Variants in ZNF703 observed in about 807,000 individuals in gnomAD.
ZNF703 encodes NocA-like zinc finger 1.
Under a neutral mutation model 30.7 loss-of-function variants are expected in ZNF703, and 18 were observed. That is an observed-to-expected ratio of 0.59 (90% CI 0.40 to 0.87). ZNF703 has a LOEUF of 0.87. Ranked by LOEUF, ZNF703 falls within the 40% of genes least tolerant of loss-of-function variation. The probability of loss-of-function intolerance (pLI) is 0.00; values close to 1 mark genes in which losing one functional copy is unlikely to be tolerated. For synonymous variants in ZNF703, 457 were observed against 438.6 expected (o/e 1.04, Z -0.52); for missense variants, 814 against 847.8 (o/e 0.96, Z 0.50).
Position 37,698,486 on chromosome 8 carries a change from C to G in ZNF703, c.1585C>G (p.Pro529Ala). The G allele has an allele frequency of 6.5e-7, 1 of 1,542,440 alleles. No individual in the cohort carries two copies. The highest frequency in any genetic ancestry group is 8.7e-7 in the Non-Finnish European group (1 of 1,149,074). The change falls in exon 2 of 2, where the codon CCC becomes GCC. Residue 529 changes from proline to alanine, a missense_variant. Coordinates refer to ENST00000331569, the MANE Select transcript of ZNF703 (RefSeq NM_025069.3). ...HLPPPAAPGS[P>A]GSLSLRNPHT... Reference sequence around the variant, plus strand: ...CCCCCCGCCCGCCGCCCCCGGCAGCCCCGGGTCGCTGTCCTTGCGGAATCC... The same window carrying G: ...CCCCCCGCCCGCCGCCCCCGGCAGCGCCGGGTCGCTGTCCTTGCGGAATCC...
chr8:37,697,438 C>T lies in ZNF703; in HGVS notation c.537C>T (p.Ser179=), dbSNP rs1286640819. Reference sequence around the variant, plus strand: ...GCTCCTCCTCGGTGTCTTCCACCTCCTCCTCGTCCTCCTCGTCCCCGGGAG... The same window carrying T: ...GCTCCTCCTCGGTGTCTTCCACCTCTTCCTCGTCCTCCTCGTCCCCGGGAG... ...DSGSSSVSST[S]SSSSSSPGDK... Residue 179 remains serine, a synonymous_variant, in exon 2 of 2, where the codon TCC becomes TCT. Transcript: ENST00000331569. The T allele has an allele frequency of 6.5e-6, 10 of 1,542,544 alleles. No individual in the cohort carries two copies. Among genetic ancestry groups the T allele is most frequent in the South Asian group, 1.2e-5 (1 of 83,180 alleles).
At position 37,698,335 on chromosome 8, in the gene ZNF703, C is replaced by T. The variant is rs533921652; in HGVS notation, c.1434C>T (p.Leu478=). The part of the protein sequence containing the change: ...DKRFATSEEL[L]SHLRTHTALP... Reference sequence around the variant, plus strand: ...GCTTCGCCACCTCGGAGGAGCTGCTCAGCCACCTACGGACCCACACGGCCC... The same window carrying T: ...GCTTCGCCACCTCGGAGGAGCTGCTTAGCCACCTACGGACCCACACGGCCC... The change falls in exon 2 of 2, where the codon CTC becomes CTT. Residue 478 remains leucine (L), a synonymous_variant. Coordinates refer to ENST00000331569, the MANE Select transcript of ZNF703 (RefSeq NM_025069.3). The T allele has an allele frequency of 5.2e-6, 8 of 1,540,292 alleles. 1 individual carries two copies. In the South Asian group the frequency reaches 8.4e-5, roughly 16 times the overall value.
Position 37,698,943 on chromosome 8 carries a change from A to T in ZNF703, c.*269A>T. 2.7e-6 allele frequency: 1 copy of T among 368,670 alleles called. No homozygotes were observed. 22.8% of individuals were successfully genotyped at this position (368,670 alleles called of 1,614,324 possible). A position where few individuals can be genotyped will look rare whatever the true frequency, so the allele number is the denominator to read the frequency against. On this transcript the variant is annotated 3_prime_UTR_variant, in exon 2 of 2. Transcript: ENST00000331569. ...TAATATTAATCCCACAAATAACGACATGATCCCCGCCCCTGTTCCTTTCTG... is the reference window on the plus strand; with the variant it reads ...TAATATTAATCCCACAAATAACGACTTGATCCCCGCCCCTGTTCCTTTCTG...
chr8:37,697,035 G>T (rs1260489460), intron 1 of ZNF703, 110 bp from the exon 2 acceptor site: 51 of 1,298,206 alleles, frequency 3.9e-5, no homozygotes, highest in Middle Eastern at 5.3e-4. Flanking sequence ...CCTCTCCCCA[G>T]GCCCGCCCCG....
Position 37,696,041 on chromosome 8 carries a change from GCGGC to G in ZNF703, c.63_66del (p.Gly22AlafsTer31). On this transcript the variant is annotated frameshift_variant, in exon 1 of 2. Coordinates refer to ENST00000331569, the MANE Select transcript of ZNF703 (RefSeq NM_025069.3). LOFTEE classifies it high-confidence loss of function. The surrounding 1 kb of genome is among the most constrained non-coding windows in gnomAD (Gnocchi z 8.2). ...CCCGAAAGCAGCGGCAGCGGCAGCG[GCGGC>G]GGCGGGAAGAGGCCGGCGGTGCCGG... 6.4e-7 allele frequency: 1 copy of G among 1,552,910 alleles called. No homozygotes were observed. Among genetic ancestry groups the G allele is most frequent in the South Asian group, 1.2e-5 (1 of 85,010 alleles).
At position 37,697,854 on chromosome 8, in the gene ZNF703, C is replaced by G; in HGVS notation, c.953C>G (p.Ser318Cys). ...LPPSSIGYHGSIVGAYAGYPS... is the reference protein window; with the variant it reads ...LPPSSIGYHGCIVGAYAGYPS... Reference sequence around the variant, plus strand: ...CCCTCCAGCATTGGCTACCACGGCTCCATCGTGGGCGCCTACGCCGGCTAC... The same window carrying G: ...CCCTCCAGCATTGGCTACCACGGCTGCATCGTGGGCGCCTACGCCGGCTAC... The change falls in exon 2 of 2, where the codon TCC (serine) becomes TGC (cysteine). Residue 318 changes from serine (S) to cysteine (C), a missense_variant. Transcript: ENST00000331569. 1.3e-6 allele frequency: 2 copies of G among 1,543,196 alleles called. No individual in the cohort carries two copies. Among genetic ancestry groups the G allele is most frequent in the Non-Finnish European group, 1.7e-6 (2 of 1,150,458 alleles).
At position 37,698,005 on chromosome 8, in the gene ZNF703, G is replaced by A. The variant is rs750405214; in HGVS notation, c.1104G>A (p.Pro368=). Residue 368 remains proline (P), a synonymous_variant, in exon 2 of 2, where the codon CCG becomes CCA. Transcript: ENST00000331569. ...PSSSPLTGAS[P]PSFLQGLCRD... ...CCAGCCCGCTCACCGGGGCCTCCCC[G>A]CCCTCCTTCCTGCAGGGATTATGCC... is the stretch of plus-strand genomic sequence containing the variant. 26 of 1,571,142 alleles carry A rather than the reference G, an allele frequency of 1.7e-5. No homozygotes were observed. The highest frequency in any genetic ancestry group is 2.1e-5 in the Non-Finnish European group (25 of 1,166,344).
rs756014282 is a variant in ZNF703 at position 37,697,493 on chromosome 8, G to A, written c.592G>A (p.Ala198Thr). The change falls in exon 2 of 2, where the codon GCC (alanine) becomes ACC (threonine). Residue 198 changes from alanine to threonine, a missense_variant. Ala to Thr is a moderately conservative substitution (Grantham distance 58). Transcript: ENST00000331569. ...DKAGFRVPSAACPPFPPHGAP... is the reference protein window; with the variant it reads ...DKAGFRVPSATCPPFPPHGAP... ...GGCGGGCTTCAGGGTCCCCAGCGCC[G>A]CCTGCCCGCCCTTTCCCCCGCATGG... 18 of 1,532,944 alleles carry A rather than the reference G, an allele frequency of 1.2e-5. 1 individual carries two copies. The highest frequency in any genetic ancestry group is 1.1e-4 in the African/African-American group (8 of 71,306). The allele number at this position is 1,532,944 out of a possible 1,614,324, so 95.0% of individuals were successfully genotyped here.
At position 37,696,273 on chromosome 8, in the gene ZNF703, G is replaced by C. The variant is rs976040939; in HGVS notation, c.243+51G>C. 1 of 1,525,276 alleles carries C rather than the reference G, an allele frequency of 6.6e-7. No individual in the cohort carries two copies. The highest frequency in any genetic ancestry group is 1.4e-5 in the African/African-American group (1 of 70,606). The allele number at this position is 1,525,276 out of a possible 1,614,324, so 94.5% of individuals were successfully genotyped here. On this transcript the variant is annotated intron_variant, in intron 1 of 1. Coordinates refer to ENST00000331569, the MANE Select transcript of ZNF703 (RefSeq NM_025069.3). This position sits in a 1 kb window ranked among gnomAD's most constrained non-coding sequence, Gnocchi z 8.2. ...GCGCCGGCCCCATTCCTCCCACCGC[G>C]ACCGGGACCCTGACCCAGCTCCCAG...
Position 37,698,340 on chromosome 8 carries a change from A to G in ZNF703, c.1439A>G (p.His480Arg). ...RFATSEELLS[H>R]LRTHTALPGA... Reference sequence around the variant, plus strand: ...GCCACCTCGGAGGAGCTGCTCAGCCACCTACGGACCCACACGGCCCTGCCG... The same window carrying G: ...GCCACCTCGGAGGAGCTGCTCAGCCGCCTACGGACCCACACGGCCCTGCCG... The change falls in exon 2 of 2, where the codon CAC (histidine) becomes CGC (arginine). Residue 480 changes from histidine to arginine, a missense_variant. By Grantham distance (29) the His-to-Arg change is conservative (BLOSUM62 0). Coordinates refer to ENST00000331569, the MANE Select transcript of ZNF703 (RefSeq NM_025069.3). 3 of 1,538,444 alleles carry G rather than the reference A, an allele frequency of 2.0e-6. No homozygotes were observed. Among genetic ancestry groups the G allele is most frequent in the Non-Finnish European group, 2.6e-6 (3 of 1,143,780 alleles).
chr8:37,695,956 C>A lies in ZNF703; in HGVS notation c.-24C>A. ...CGGTGCTCCCCCGCCCTCCCCGCCCCCCCAGCGGCGCTGCCTCCTCCAAAT... is the reference window on the plus strand; with the variant it reads ...CGGTGCTCCCCCGCCCTCCCCGCCCACCCAGCGGCGCTGCCTCCTCCAAAT... On this transcript the variant is annotated 5_prime_UTR_variant, in exon 1 of 2. Transcript: ENST00000331569. 6.8e-7 allele frequency: 1 copy of A among 1,480,496 alleles called. No homozygotes were observed. The highest frequency in any genetic ancestry group is 9.0e-7 in the Non-Finnish European group (1 of 1,113,796). 91.7% of individuals were successfully genotyped at this position (1,480,496 alleles called of 1,614,324 possible). A position where few individuals can be genotyped will look rare whatever the true frequency, so the allele number is the denominator to read the frequency against.
Position 37,698,700 on chromosome 8 carries a change from C to A in ZNF703, c.*26C>A. ...CTACAGCTCTTCCTCCACCCCAGCC[C>A]CCTCACCCTCCTCCCTCTCCCTCCT... On this transcript the variant is annotated 3_prime_UTR_variant, in exon 2 of 2. Coordinates refer to ENST00000331569, the MANE Select transcript of ZNF703 (RefSeq NM_025069.3). The A allele has an allele frequency of 7.1e-7, 1 of 1,405,682 alleles. No homozygotes were observed. Among genetic ancestry groups the A allele is most frequent in the Non-Finnish European group, 9.3e-7 (1 of 1,077,204 alleles). 87.1% of individuals were successfully genotyped at this position (1,405,682 alleles called of 1,614,324 possible).
chr8:37,697,356 C>A lies in ZNF703; in HGVS notation c.455C>A (p.Ser152Tyr), dbSNP rs868834671. Residue 152 changes from serine to tyrosine, a missense_variant, in exon 2 of 2, where the codon TCC (serine) becomes TAC (tyrosine). By Grantham distance (144) the Ser-to-Tyr change is moderately radical. Transcript: ENST00000331569. ...GGGGACTCACCGGCCGAGGACAAGT[C>A]CAGCTTCAAGCCCTACTCCAAGGGC... Reference protein sequence around the residue: ...QLGDSPAEDKSSFKPYSKGSG... With the variant: ...QLGDSPAEDKYSFKPYSKGSG... 1 of 1,561,108 alleles carries A rather than the reference C, an allele frequency of 6.4e-7. No homozygotes were observed. The highest frequency in any genetic ancestry group is 1.9e-5 in the Admixed American group (1 of 52,350).
rs771720761 is a variant in ZNF703, at chr8:37,697,399, C to T, written c.498C>T (p.Ser166=). 3 of 1,552,976 alleles carry T rather than the reference C, an allele frequency of 1.9e-6. No homozygotes were observed. In the Admixed American group the frequency reaches 5.8e-5, roughly 30 times the overall value. ...PYSKGSGGGD[S]RKDSGSSSVS... ...CCAAGGGCTCCGGCGGCGGCGACTC[C>T]CGCAAAGACAGCGGCTCCTCCTCGG... Residue 166 remains serine (S), a synonymous_variant, in exon 2 of 2, where the codon TCC becomes TCT. Coordinates refer to ENST00000331569, the MANE Select transcript of ZNF703 (RefSeq NM_025069.3).
rs1247041819 is a variant in ZNF703, at chr8:37,697,394, G to C, written c.493G>C (p.Asp165His). The C allele has an allele frequency of 6.4e-7, 1 of 1,552,196 alleles. No individual in the cohort carries two copies. The highest frequency in any genetic ancestry group is 8.7e-7 in the Non-Finnish European group (1 of 1,149,550). The change falls in exon 2 of 2, where the codon GAC (aspartate) becomes CAC (histidine). Residue 165 changes from aspartate (D) to histidine (H), a missense_variant. Coordinates refer to ENST00000331569, the MANE Select transcript of ZNF703 (RefSeq NM_025069.3). ...CTACTCCAAGGGCTCCGGCGGCGGC[G>C]ACTCCCGCAAAGACAGCGGCTCCTC... ...KPYSKGSGGG[D>H]SRKDSGSSSV...
Position 37,698,600 on chromosome 8 carries a change from G to A in ZNF703, c.1699G>A (p.Ala567Thr), listed in dbSNP as rs372016659. 2.6e-5 allele frequency: 40 copies of A among 1,555,600 alleles called. No individual in the cohort carries two copies. Among genetic ancestry groups the A allele is most frequent in the Admixed American group, 3.9e-5 (2 of 50,796 alleles). Residue 567 changes from alanine (A) to threonine (T), a missense_variant, in exon 2 of 2, where the codon GCC becomes ACC. Physicochemically the swap from Ala to Thr is moderately conservative, Grantham distance 58. Coordinates refer to ENST00000331569, the MANE Select transcript of ZNF703 (RefSeq NM_025069.3). ...CCTGGCCGTGCCGTCCCTCCCCACA[G>A]CCGGACCCTACTATTCGCCATACGC... The part of the protein sequence containing the change: ...GGLAVPSLPT[A>T]GPYYSPYALY...
chr8:37,697,408 C>T lies in ZNF703; in HGVS notation c.507C>T (p.Asp169=), dbSNP rs1174275965. 11 of 1,551,866 alleles carry T rather than the reference C, an allele frequency of 7.1e-6. No individual in the cohort carries two copies. In the Middle Eastern group the frequency reaches 6.7e-4, roughly 95 times the overall value. ...KGSGGGDSRK[D]SGSSSVSSTS... The stretch of plus-strand genomic sequence containing the variant: ...CCGGCGGCGGCGACTCCCGCAAAGA[C>T]AGCGGCTCCTCCTCGGTGTCTTCCA... Residue 169 remains aspartate (D), a synonymous_variant, in exon 2 of 2, where the codon GAC becomes GAT. Coordinates refer to ENST00000331569, the MANE Select transcript of ZNF703 (RefSeq NM_025069.3).
chr8:37,698,015 C>G lies in ZNF703; in HGVS notation c.1114C>G (p.Leu372Val). ...CACCGGGGCCTCCCCGCCCTCCTTC[C>G]TGCAGGGATTATGCCGCGACCCCTA... The part of the protein sequence containing the change: ...PLTGASPPSF[L>V]QGLCRDPYCL... The change falls in exon 2 of 2, where the codon CTG becomes GTG. Residue 372 changes from leucine to valine, a missense_variant. Coordinates refer to ENST00000331569, the MANE Select transcript of ZNF703 (RefSeq NM_025069.3). 1 of 1,573,898 alleles carries G rather than the reference C, an allele frequency of 6.4e-7. No individual in the cohort carries two copies. The highest frequency in any genetic ancestry group is 8.6e-7 in the Non-Finnish European group (1 of 1,167,640).
rs1284288734 is a variant in ZNF703, at chr8:37,696,057, G to T, written c.78G>T (p.Arg26Ser). Residue 26 changes from arginine (R) to serine (S), a missense_variant, in exon 1 of 2, where the codon AGG (arginine) becomes AGT (serine). Transcript: ENST00000331569. This position sits in a 1 kb window ranked among gnomAD's most constrained non-coding sequence, Gnocchi z 8.2. ...SGSGSGGGGK[R>S]PAVPAAVSLL... is the part of the protein sequence containing the mutation. ...GCGGCAGCGGCGGCGGCGGGAAGAG[G>T]CCGGCGGTGCCGGCAGCGGTGTCCC... 13 of 1,553,840 alleles carry T rather than the reference G, an allele frequency of 8.4e-6. No homozygotes were observed. In the East Asian group the frequency reaches 2.7e-4, roughly 32 times the overall value.
Sources: allele counts gnomAD v4.1 joint callset, GRCh38; gene constraint gnomAD v4.1.1; non-coding constraint Gnocchi (gnomAD v3.1); transcripts MANE v1.5; gene names NCBI Gene and HGNC (gene_info 2026-07-23, HGNC 2026-07-21).